MEI1: variants seen among roughly 807,000 people sequenced by gnomAD.
The protein encoded by MEI1 is meiosis inhibitor protein 1.
In MEI1, 103 loss-of-function variants were observed where a neutral mutation model predicts 146.2. That is an observed-to-expected ratio of 0.70 (90% CI 0.60 to 0.83). MEI1 has a LOEUF of 0.83. MEI1 is among the 40% of genes least tolerant of loss of function. The pLI is 0.00. For missense variants in MEI1, 1,529 were observed against 1,533.0 expected (o/e 1.00, Z 0.04); for synonymous variants, 652 against 628.2 (o/e 1.04, Z -0.57).
chr22:41,764,239 C>T (rs2074700710), intron 19 of MEI1, among the ~76,000 whole-genome samples: 1 of 152,118 alleles, frequency 6.6e-6, no homozygotes, highest in Non-Finnish European at 1.5e-5. Context: ...GGATTACAGG[C>T]GTGAGCCACC....
intron 19 of MEI1, among the ~76,000 whole-genome samples, chr22:41,764,196 G>C (rs534747335): frequency 6.6e-6 from 1 of 152,226 alleles, no homozygotes; most frequent in South Asian, 2.1e-4. Flanking sequence ...TCCTGACCTC[G>C]TGATCTGCCC....
At chr22:41,717,236 T>A (rs2070292124) in intron 5 of MEI1, among the ~76,000 whole-genome samples, 2 of 152,084 alleles carry the variant, frequency 1.3e-5, no homozygotes, top group African/African-American at 4.8e-5. Context: ...GATCTTGGCT[T>A]ACTGAAATCT....
intron 19 of MEI1, among the ~76,000 whole-genome samples, chr22:41,765,007 T>C (rs1453517681): frequency 6.6e-6 from 1 of 152,122 alleles, no homozygotes; most frequent in African/African-American, 2.4e-5. Context: ...AAATGAAAAG[T>C]TCTAATAATT....
intron 1 of MEI1, among the ~76,000 whole-genome samples, chr22:41,700,221 T>G (rs1178459695): frequency 6.6e-6 from 1 of 151,844 alleles, no homozygotes; most frequent in African/African-American, 2.4e-5. Flanking sequence ...GGGACAGGAG[T>G]GACAGGTTAC....
intron 2 of MEI1, among the ~76,000 whole-genome samples, chr22:41,704,776 A>G (rs1387935683): frequency 6.6e-6 from 1 of 151,262 alleles, no homozygotes; most frequent in Non-Finnish European, 1.5e-5. Context: ...GTGCGGTGGC[A>G]TGATCTTGGC....
intron 3 of MEI1, chr22:41,709,087 A>G (rs1456582353): frequency 2.0e-5 from 11 of 563,094 alleles, no homozygotes; most frequent in Admixed American, 1.3e-4. Flanking sequence ...TCCCCAAAAT[A>G]TAACAGTGAA....
chr22:41,781,453 C>G (rs2148152375), intron 23 of MEI1, 59 bp downstream of exon 23: 4 of 1,393,836 alleles, frequency 2.9e-6, no homozygotes, highest in Non-Finnish European at 4.0e-6. Flanking sequence ...TCCTCTGTAT[C>G]TCAACTTTTT....
In MEI1 at chr22:41,776,282, G is replaced by T. The variant is rs1024721689; in HGVS notation, c.2710+15G>T. The T allele has an allele frequency of 1.2e-6, 2 of 1,612,448 alleles. No homozygotes were observed. The highest frequency in any genetic ancestry group is 8.5e-7 in the Non-Finnish European group (1 of 1,179,586). On this transcript the variant is annotated intron_variant, in intron 21 of 30. Transcript: ENST00000401548. ...CCCATCAGGAGGTCAGTCTGCAGGT[G>T]CTGTGGGCACACTTTGACCTGAAAG...
intron 11 of MEI1, among the ~76,000 whole-genome samples, chr22:41,734,301 A>G (rs2072131193): frequency 1.3e-5 from 2 of 151,362 alleles, no homozygotes; most frequent in Admixed American, 6.6e-5. Context: ...TGCAATGTCA[A>G]TGCAATGTAG....
At chr22:41,733,445 T>A (rs1287817082) in intron 11 of MEI1, among the ~76,000 whole-genome samples, 1 of 151,146 alleles carries the variant, frequency 6.6e-6, no homozygotes, top group Non-Finnish European at 1.5e-5. Flanking sequence ...TGAGACCTTG[T>A]CTCAAAAGAA....
chr22:41,776,011 A>C, intron 20 of MEI1, 91 bp from the exon 21 acceptor site: 1 of 1,307,758 alleles, frequency 7.6e-7, no homozygotes, highest in Non-Finnish European at 1.1e-6. Flanking sequence ...CATCATAATT[A>C]TGGGCCCTTT....
chr22:41,782,414 C>T (rs1260121278), intron 24 of MEI1, among the ~76,000 whole-genome samples: 3 of 152,260 alleles, frequency 2.0e-5, no homozygotes, highest in Admixed American at 6.5e-5. Flanking sequence ...TATTACTGTT[C>T]GAGAAGGTGA....
At chr22:41,711,356 G>T (rs929877050) in intron 3 of MEI1, among the ~76,000 whole-genome samples, 3 of 152,106 alleles carry the variant, frequency 2.0e-5, no homozygotes, top group Admixed American at 1.3e-4. Flanking sequence ...TGTATTTTTA[G>T]TAGAGACGAT....
At chr22:41,768,597 T>C (rs2074996912) in intron 19 of MEI1, among the ~76,000 whole-genome samples, 1 of 152,070 alleles carries the variant, frequency 6.6e-6, no homozygotes, top group South Asian at 2.1e-4. Context: ...ACAGGAAGCA[T>C]GGCTGAGGAG....
intron 2 of MEI1, among the ~76,000 whole-genome samples, chr22:41,704,849 G>GT (rs1229667350): frequency 6.6e-6 from 1 of 152,040 alleles, no homozygotes; most frequent in Non-Finnish European, 1.5e-5. Context: ...CGAGTAGCTG[G>GT]GACTACAGGT....
In MEI1 at chr22:41,781,368, A is replaced by G. The variant is rs1044886673; in HGVS notation, c.2900A>G (p.Gln967Arg). The G allele has an allele frequency of 6.2e-7, 1 of 1,613,462 alleles. No individual in the cohort carries two copies. The highest frequency in any genetic ancestry group is 1.7e-5 in the Admixed American group (1 of 59,922). ...SFNFLYWSLH[Q>R]TTPSSQKRAA... The stretch of plus-strand genomic sequence containing the variant: ...AACTTCCTGTATTGGAGCCTTCATC[A>G]GACCACACCCAGCAGTCAGAAAAGA... The change falls in exon 23 of 31, where the codon CAG becomes CGG. Residue 967 changes from glutamine to arginine, a missense_variant. By Grantham distance (43) the Gln-to-Arg change is conservative. This residue lies in a region of MEI1 where 1,212 missense variants were observed against 1,178.9 expected (regional missense o/e 1.03). Transcript: ENST00000401548.
At chr22:41,772,446 C>T (rs1390222050) in intron 20 of MEI1, among the ~76,000 whole-genome samples, 2 of 152,058 alleles carry the variant, frequency 1.3e-5, no homozygotes, top group South Asian at 4.1e-4. Flanking sequence ...AGTTCAAGAC[C>T]AAGTAGCTGG....
chr22:41,707,573 T>C (rs1370087807), intron 3 of MEI1, among the ~76,000 whole-genome samples: 1 of 151,880 alleles, frequency 6.6e-6, no homozygotes, highest in African/African-American at 2.4e-5. Flanking sequence ...ACTCAGGAGA[T>C]TGAGGTGAGA....
chr22:41,743,613 TG>T (rs2073054407), intron 12 of MEI1, among the ~76,000 whole-genome samples: 1 of 152,232 alleles, frequency 6.6e-6, no homozygotes, highest in Admixed American at 6.5e-5. Flanking sequence ...TTGTAGCTGC[TG>T]GCTTTTAATA....
Sources: allele counts gnomAD v4.1 joint callset (sites outside exome capture counted in the v4.1 genomes callset), GRCh38; gene constraint gnomAD v4.1.1; regional missense constraint gnomAD v4.1.1; transcripts MANE v1.5; gene names NCBI Gene and HGNC (gene_info 2026-07-23, HGNC 2026-07-21).